VPS16: variants seen among roughly 807,000 people sequenced by gnomAD.
VPS16 encodes the protein vacuolar protein sorting-associated protein 16 homolog.
Under a neutral mutation model 116.0 loss-of-function variants are expected in VPS16, and 82 were observed. The observed-to-expected ratio is 0.71, with a 90% confidence interval of 0.59 to 0.85. The LOEUF is 0.85. VPS16 is among the 40% of genes least tolerant of loss of function. The probability of loss-of-function intolerance (pLI) is 0.00; values close to 1 mark genes in which losing one functional copy is unlikely to be tolerated. For synonymous variants in VPS16, 406 were observed against 420.7 expected (o/e 0.96, Z 0.43); for missense variants, 928 against 1,090.6 (o/e 0.85, Z 2.10).
chr20:2,859,762 C>T lies in VPS16; in HGVS notation c.97C>T (p.Leu33Phe), dbSNP rs1175607944. Reference protein sequence around the residue: ...YSMDWDLKEELRDCLVAAAPY... With the variant: ...YSMDWDLKEEFRDCLVAAAPY... ...CATGGACTGGGACCTGAAGGAGGAACTCAGGGATTGCCTGGTGGCTGCTGC... is the reference window on the plus strand; with the variant it reads ...CATGGACTGGGACCTGAAGGAGGAATTCAGGGATTGCCTGGTGGCTGCTGC... The change falls in exon 2 of 24, where the codon CTC becomes TTC. Residue 33 changes from leucine (L) to phenylalanine (F), a missense_variant. Transcript: ENST00000380445. The T allele has an allele frequency of 6.2e-7, 1 of 1,613,146 alleles. No homozygotes were observed. The highest frequency in any genetic ancestry group is 2.2e-5 in the East Asian group (1 of 44,880).
rs548171037 is a variant in VPS16 at position 2,846,792 on chromosome 20, CA to C, written c.53+5966del. On this transcript the variant is annotated intron_variant, in intron 1 of 23. Coordinates refer to ENST00000380445, the MANE Select transcript of VPS16 (RefSeq NM_022575.4). ...AGTAGACCATGCTTCTCCAGCAGTTCAGCTGCCCTGCCACAGAAATTTCTTC... is the reference window on the plus strand; with the variant it reads ...AGTAGACCATGCTTCTCCAGCAGTTCGCTGCCCTGCCACAGAAATTTCTTC... 5.5e-4 allele frequency among the ~76,000 whole-genome samples: 84 copies of C among 152,310 alleles called. No homozygotes were observed. The South Asian group carries it at 0.014, about 26-fold the overall frequency.
intron 1 of VPS16, among the ~76,000 whole-genome samples, chr20:2,842,139 T>A (rs181714989): frequency 0.012 from 1,843 of 152,270 alleles, 12 homozygotes; most frequent in Non-Finnish European, 0.02. Flanking sequence ...TAAAGTTTTT[T>A]AAAAATATTT....
At position 2,866,222 on chromosome 20, in the gene VPS16, A is replaced by C; in HGVS notation, c.2282A>C (p.Glu761Ala). 1.2e-6 allele frequency: 2 copies of C among 1,614,100 alleles called. No individual in the cohort carries two copies. The highest frequency in any genetic ancestry group is 2.2e-5 in the South Asian group (2 of 91,072). The stretch of plus-strand genomic sequence containing the variant: ...TTCCTCTCCTCCAAGCCTTTTGTGG[A>C]GATCTGCATGAAACAACATAACAAA... ...KSPIGYLPFV[E>A]ICMKQHNKYE... is the part of the protein sequence containing the mutation. Residue 761 changes from glutamate to alanine, a missense_variant, in exon 23 of 24, where the codon GAG (glutamate) becomes GCG (alanine). Physicochemically the swap from Glu to Ala is moderately radical, Grantham distance 107. Coordinates refer to ENST00000380445, the MANE Select transcript of VPS16 (RefSeq NM_022575.4).
intron 1 of VPS16, among the ~76,000 whole-genome samples, chr20:2,859,039 C>T (rs2146663180): frequency 6.6e-6 from 1 of 152,292 alleles, no homozygotes; most frequent in South Asian, 2.1e-4. Flanking sequence ...CAGGTCACAT[C>T]TGTAATACCA....
In VPS16 at chr20:2,860,392, C is replaced by T. The variant is rs373532233; in HGVS notation, c.369+25C>T. On this transcript the variant is annotated intron_variant, in intron 4 of 23. Transcript: ENST00000380445. The surrounding 1 kb of genome is among the most constrained non-coding windows in gnomAD (Gnocchi z 6.1). The stretch of plus-strand genomic sequence containing the variant: ...TGTAGGGGTCACAGAGGGCTGGGGA[C>T]GCGGGGTAGAGTTTATGACCCTGTG... 5.5e-4 allele frequency: 883 copies of T among 1,614,060 alleles called. 1 individual carries two copies. The highest frequency in any genetic ancestry group is 7.1e-4 in the Non-Finnish European group (841 of 1,180,002).
chr20:2,851,674 A>C (rs1489151632), intron 1 of VPS16, among the ~76,000 whole-genome samples: 1 of 150,950 alleles, frequency 6.6e-6, no homozygotes, highest in African/African-American at 2.4e-5. Context: ...AAAAAAAAAA[A>C]CAAAAAACAC....
intron 1 of VPS16, among the ~76,000 whole-genome samples, chr20:2,856,277 A>G (rs554943954): frequency 5.3e-5 from 8 of 152,282 alleles, no homozygotes; most frequent in African/African-American, 1.9e-4. Context: ...CGTTAAGCTC[A>G]CCATCATGTA....
At chr20:2,846,903 A>T (rs921307842) in intron 1 of VPS16, among the ~76,000 whole-genome samples, 6 of 152,136 alleles carry the variant, frequency 3.9e-5, no homozygotes, top group African/African-American at 1.4e-4. Flanking sequence ...ATTCGATTCG[A>T]TTCCAAGGTC....
chr20:2,852,266 C>T (rs1435665033), intron 1 of VPS16, among the ~76,000 whole-genome samples: 1 of 152,022 alleles, frequency 6.6e-6, no homozygotes, highest in Non-Finnish European at 1.5e-5. Context: ...ACAGGAGGGC[C>T]CCTTCCTAGT....
At position 2,863,818 on chromosome 20, in the gene VPS16, AAAGAGAG is replaced by A; in HGVS notation, c.1477-128_1477-122del. 3 of 1,244,944 alleles carry A rather than the reference AAAGAGAG, an allele frequency of 2.4e-6. No individual in the cohort carries two copies. The highest frequency in any genetic ancestry group is 3.2e-6 in the Non-Finnish European group (3 of 940,940). The allele number at this position is 1,244,944 out of a possible 1,614,324, so 77.1% of individuals were successfully genotyped here. Reference sequence around the variant, plus strand: ...GAGGAGGGAAAGAGAGAGAAAGAAGAAAGAGAGAAAGAAAGAAAGAAGAAGGAAGGGA... The same window carrying A: ...GAGGAGGGAAAGAGAGAGAAAGAAGAAAAGAAAGAAAGAAGAAGGAAGGGA... On this transcript the variant is annotated intron_variant, in intron 15 of 23. Coordinates refer to ENST00000380445, the MANE Select transcript of VPS16 (RefSeq NM_022575.4). The surrounding 1 kb of genome is among the most constrained non-coding windows in gnomAD (Gnocchi z 4.4).
chr20:2,866,024 T>G, intron 22 of VPS16, 188 bp from the exon 23 acceptor site: 1 of 610,114 alleles, frequency 1.6e-6, no homozygotes, highest in South Asian at 2.0e-5. Flanking sequence ...TTGGTTTAGG[T>G]GATTTCTGCC....
At chr20:2,848,453 G>A (rs1024318786) in intron 1 of VPS16, among the ~76,000 whole-genome samples, 1 of 152,154 alleles carries the variant, frequency 6.6e-6, no homozygotes, top group Non-Finnish European at 1.5e-5. Context: ...AATAGTGAGC[G>A]GAGCCACTCC....
intron 11 of VPS16, chr20:2,862,372 C>T: frequency 8.6e-7 from 1 of 1,169,304 alleles, no homozygotes; most frequent in Non-Finnish European, 1.2e-6. Flanking sequence ...GAGGAGTTCT[C>T]AAGGCCCCCC....
Position 2,859,789 on chromosome 20 carries a change from C to T in VPS16, c.124C>T (p.Pro42Ser), listed in dbSNP as rs775856078. 3.7e-6 allele frequency: 6 copies of T among 1,612,184 alleles called. No individual in the cohort carries two copies. In the South Asian group the frequency reaches 6.6e-5, roughly 18 times the overall value. Reference sequence around the variant, plus strand: ...CAGGGATTGCCTGGTGGCTGCTGCACCCTATGGGGGCCCCATTGGTATGTT... The same window carrying T: ...CAGGGATTGCCTGGTGGCTGCTGCATCCTATGGGGGCCCCATTGGTATGTT... ...ELRDCLVAAA[P>S]YGGPIALLRN... Residue 42 changes from proline to serine, a missense_variant, in exon 2 of 24, where the codon CCC becomes TCC. By Grantham distance (74) the Pro-to-Ser change is moderately conservative. Transcript: ENST00000380445.
rs1568631830 is a variant in VPS16 at position 2,866,637 on chromosome 20, G to A, written c.*63G>A. The A allele has an allele frequency of 3.8e-6, 6 of 1,594,668 alleles. No individual in the cohort carries two copies. Among genetic ancestry groups the A allele is most frequent in the Non-Finnish European group, 5.1e-6 (6 of 1,170,432 alleles). ...CCCTAGCACCTGGGCTTGGCAGAAG[G>A]GCCATAGTTCATCCAGCTCCTCCCC... On this transcript the variant is annotated 3_prime_UTR_variant, in exon 24 of 24. Coordinates refer to ENST00000380445, the MANE Select transcript of VPS16 (RefSeq NM_022575.4).
rs1021740357 is a variant in VPS16 at position 2,866,218 on chromosome 20, G to T, written c.2278G>T (p.Val760Leu). 1 of 1,614,020 alleles carries T rather than the reference G, an allele frequency of 6.2e-7. No individual in the cohort carries two copies. The highest frequency in any genetic ancestry group is 1.3e-5 in the African/African-American group (1 of 74,896). The change falls in exon 23 of 24, where the codon GTG (valine) becomes TTG (leucine). Residue 760 changes from valine (V) to leucine (L), a missense_variant. By Grantham distance (32) the Val-to-Leu change is conservative (BLOSUM62 1). Coordinates refer to ENST00000380445, the MANE Select transcript of VPS16 (RefSeq NM_022575.4). ...CCGCTTCCTCTCCTCCAAGCCTTTT[G>T]TGGAGATCTGCATGAAACAACATAA... ...KKSPIGYLPFVEICMKQHNKY... is the reference protein window; with the variant it reads ...KKSPIGYLPFLEICMKQHNKY...
Position 2,864,307 on chromosome 20 carries a change from G to GC in VPS16, c.1720+24dup. ...ACCTGGGTGAGGGCAAGGCTGGGGG[G>GC]CCCCTGGGCTAAGTGGGAGCCTGGC... On this transcript the variant is annotated intron_variant, in intron 17 of 23. Coordinates refer to ENST00000380445, the MANE Select transcript of VPS16 (RefSeq NM_022575.4). The surrounding 1 kb of genome is among the most constrained non-coding windows in gnomAD (Gnocchi z 5.2). The GC allele has an allele frequency of 6.2e-7, 1 of 1,613,956 alleles. No individual in the cohort carries two copies. Among genetic ancestry groups the GC allele is most frequent in the Non-Finnish European group, 8.5e-7 (1 of 1,179,944 alleles).
intron 1 of VPS16, among the ~76,000 whole-genome samples, chr20:2,853,207 A>G (rs541479644): frequency 8.5e-5 from 13 of 152,122 alleles, no homozygotes; most frequent in South Asian, 2.1e-4. Flanking sequence ...CCTGGCCAAC[A>G]TGGTGAAACC....
chr20:2,861,541 A>G (rs2089227427), intron 8 of VPS16, 74 bp from the exon 9 acceptor site: 1 of 1,511,946 alleles, frequency 6.6e-7, no homozygotes, highest in Non-Finnish European at 8.9e-7. Context: ...TCCCGAGACA[A>G]AGGATTATGA....
Sources: allele counts gnomAD v4.1 joint callset (sites outside exome capture counted in the v4.1 genomes callset), GRCh38; gene constraint gnomAD v4.1.1; non-coding constraint Gnocchi (gnomAD v3.1); transcripts MANE v1.5; gene names NCBI Gene and HGNC (gene_info 2026-07-23, HGNC 2026-07-21).